The following ZNF438 variants were observed in gnomAD, a reference collection of about 807,000 sequenced individuals.
ZNF438 encodes zinc finger protein 438.
A neutral mutation model predicts 38.0 loss-of-function variants in ZNF438; 25 were observed. The observed-to-expected ratio is 0.66, with a 90% confidence interval of 0.48 to 0.92. The LOEUF is 0.92. Ranked by LOEUF, ZNF438 falls within the 40% of genes least tolerant of loss-of-function variation. The probability of loss-of-function intolerance (pLI) is 0.00; values close to 1 mark genes in which losing one functional copy is unlikely to be tolerated. For synonymous variants in ZNF438, 372 were observed against 364.1 expected (o/e 1.02, Z -0.25); for missense variants, 1,007 against 999.6 (o/e 1.01, Z -0.10).
intron 3 of ZNF438, among the ~76,000 whole-genome samples, chr10:30,898,504 T>C (rs774091253): frequency 3.3e-5 from 5 of 152,092 alleles, no homozygotes; most frequent in African/African-American, 4.8e-5. Flanking sequence ...TTTAATTGGG[T>C]ATAATACATG....
At chr10:31,007,756 A>T (rs1023218418) in intron 1 of ZNF438, among the ~76,000 whole-genome samples, 7 of 152,226 alleles carry the variant, frequency 4.6e-5, no homozygotes, top group African/African-American at 1.7e-4. Context: ...AGCTATTAAG[A>T]GTGTTAGTTC....
At chr10:30,975,086 C>G (rs578055897) in intron 1 of ZNF438, among the ~76,000 whole-genome samples, 1 of 152,286 alleles carries the variant, frequency 6.6e-6, no homozygotes, top group African/African-American at 2.4e-5. Flanking sequence ...GAGAAGCCTT[C>G]CATGTCTAAA....
chr10:31,018,551 G>A (rs1198022524), intron 1 of ZNF438, among the ~76,000 whole-genome samples: 2 of 152,070 alleles, frequency 1.3e-5, no homozygotes, highest in Non-Finnish European at 2.9e-5. Flanking sequence ...ACTGTCTGTC[G>A]ACCAACCACT....
In ZNF438 at chr10:30,958,266, T is replaced by C. The variant is rs79979281; in HGVS notation, c.-191-16615A>G. On this transcript the variant is annotated intron_variant, in intron 1 of 5. Coordinates refer to ENST00000413025, the Ensembl canonical transcript of ZNF438. ...GTCTTCAGAAGAGAGTCTTCAGTTA[T>C]TTACTATGAGGATGTTATTTAAGGA... is the stretch of plus-strand genomic sequence containing the variant. 4.0e-3 allele frequency among the ~76,000 whole-genome samples: 591 copies of C among 147,140 alleles called. 19 individuals carry two copies. The highest frequency in any genetic ancestry group is 0.013 in the African/African-American group (547 of 41,212).
intron 3 of ZNF438, among the ~76,000 whole-genome samples, chr10:30,881,748 G>A (rs1197592896): frequency 2.0e-5 from 3 of 151,628 alleles, no homozygotes; most frequent in Non-Finnish European, 4.4e-5. Flanking sequence ...ATAGATCAAT[G>A]CAACAAAATA....
chr10:30,904,923 T>C (rs1173715540), intron 3 of ZNF438, among the ~76,000 whole-genome samples: 1 of 152,182 alleles, frequency 6.6e-6, no homozygotes, highest in Admixed American at 6.5e-5. Context: ...CCCCTGTATC[T>C]TTCCCTGATG....
At chr10:31,001,108 A>T (rs373821488) in intron 1 of ZNF438, among the ~76,000 whole-genome samples, 16 of 152,280 alleles carry the variant, frequency 1.1e-4, no homozygotes, top group African/African-American at 2.9e-4. Context: ...TACAACACTC[A>T]TCTTGCTGTA....
chr10:30,873,744 T>C (rs921179241), intron 4 of ZNF438, among the ~76,000 whole-genome samples: 5 of 152,228 alleles, frequency 3.3e-5, no homozygotes, highest in Admixed American at 3.3e-4. Context: ...CTTCATAGCA[T>C]CTGATAGTTC....
intron 2 of ZNF438, among the ~76,000 whole-genome samples, chr10:30,927,458 G>A (rs139879847): frequency 6.6e-6 from 1 of 152,300 alleles, no homozygotes; most frequent in African/African-American, 2.4e-5. Context: ...AAACAAAGAA[G>A]TTCCTCCCAG....
chr10:30,850,214 A>G, exon 5 of ZNF438: 3 of 1,614,180 alleles, frequency 1.9e-6, no homozygotes, highest in Non-Finnish European at 2.5e-6. Flanking sequence ...GGAGGGTCCC[A>G]GATTCACCTG....
chr10:30,959,580 T>C (rs1222448066), intron 1 of ZNF438, among the ~76,000 whole-genome samples: 2 of 53,450 alleles, frequency 3.7e-5, no homozygotes, highest in African/African-American at 1.5e-4. Context: ...CTACTAAAAA[T>C]ACAAAAAAAA....
At chr10:30,917,180 CACAGAT>C (rs965689936) in intron 2 of ZNF438, among the ~76,000 whole-genome samples, 4 of 152,216 alleles carry the variant, frequency 2.6e-5, no homozygotes, top group African/African-American at 9.6e-5. Flanking sequence ...CCTTTCCCCT[CACAGAT>C]AATTTGCCAG....
At chr10:30,934,057 A>T (rs555769094) in intron 2 of ZNF438, among the ~76,000 whole-genome samples, 128 of 152,064 alleles carry the variant, frequency 8.4e-4, no homozygotes, top group Non-Finnish European at 1.2e-3. Context: ...GAGGCAAGAG[A>T]ATGGTGTGAA....
intron 3 of ZNF438, among the ~76,000 whole-genome samples, chr10:30,902,376 C>T (rs974363480): frequency 5.3e-5 from 3 of 56,884 alleles, no homozygotes; most frequent in Admixed American, 1.5e-4. Flanking sequence ...AAAACTTGAG[C>T]TAGACAGAGT....
At chr10:30,866,817 G>A (rs1328919035) in intron 4 of ZNF438, among the ~76,000 whole-genome samples, 1 of 141,088 alleles carries the variant, frequency 7.1e-6, no homozygotes, top group Non-Finnish European at 1.5e-5. Context: ...CTGAGCGACA[G>A]AGCGAGACTC....
intron 1 of ZNF438, among the ~76,000 whole-genome samples, chr10:31,015,243 CTAT>C (rs555210428): frequency 2.0e-3 from 298 of 152,228 alleles, no homozygotes; most frequent in African/African-American, 6.4e-3. Flanking sequence ...ATTGTTATTA[CTAT>C]TATTATCAAT....
intron 4 of ZNF438, among the ~76,000 whole-genome samples, chr10:30,851,199 G>T (rs1487768890): frequency 6.6e-6 from 1 of 152,190 alleles, no homozygotes. Flanking sequence ...CACCTTCTAG[G>T]ATACTAATAG....
chr10:30,958,734 C>T (rs1263080630), intron 1 of ZNF438, among the ~76,000 whole-genome samples: 2 of 146,814 alleles, frequency 1.4e-5, no homozygotes, highest in African/African-American at 4.9e-5. Flanking sequence ...TGCTCCAACC[C>T]CTAGTTCCCC....
chr10:30,958,616 T>C (rs1166269881), intron 1 of ZNF438, among the ~76,000 whole-genome samples: 2 of 147,116 alleles, frequency 1.4e-5, no homozygotes, highest in African/African-American at 4.9e-5. Flanking sequence ...AATGACGTTT[T>C]AGTCCATTTA....
Sources: allele counts gnomAD v4.1 joint callset (sites outside exome capture counted in the v4.1 genomes callset), GRCh38; gene constraint gnomAD v4.1.1; transcripts MANE v1.5; gene names NCBI Gene and HGNC (gene_info 2026-07-23, HGNC 2026-07-21).